Variants in AIG1 observed in about 807,000 individuals in gnomAD.
AIG1 encodes the protein androgen-induced gene 1 protein.
A neutral mutation model predicts 31.4 loss-of-function variants in AIG1; 23 were observed. The ratio of observed to expected loss-of-function variants is 0.73; its 90% CI spans 0.53 to 1.04. The LOEUF (loss-of-function observed/expected upper bound fraction) is 1.04, where lower values mean the gene tolerates loss of function less well. Among genes scored for constraint, AIG1 ranks in the 50% least tolerant of loss-of-function variants. The pLI is 0.00. For missense variants in AIG1, 274 were observed against 295.0 expected (o/e 0.93, Z 0.52); for synonymous variants, 100 against 110.5 (o/e 0.90, Z 0.60).
intron 1 of AIG1, among the ~76,000 whole-genome samples, chr6:143,130,776 T>A (rs577238272): frequency 3.9e-5 from 6 of 152,146 alleles, no homozygotes; most frequent in Non-Finnish European, 7.4e-5. Flanking sequence ...GTTACACAGG[T>A]AAATGTGCAT....
At chr6:143,068,316 G>C (rs538102222) in intron 1 of AIG1, among the ~76,000 whole-genome samples, 34 of 152,362 alleles carry the variant, frequency 2.2e-4, no homozygotes, top group African/African-American at 8.2e-4. Flanking sequence ...TGTGATCCAA[G>C]CGTGCTTGGA....
chr6:143,060,845 A>G, upstream of AIG1: 4 of 916,526 alleles, frequency 4.4e-6, no homozygotes, highest in Non-Finnish European at 5.1e-6. Context: ...CCGGGTTCCC[A>G]CGGCGCCCGC....
intron 4 of AIG1, among the ~76,000 whole-genome samples, chr6:143,307,811 C>T (rs1182638674): frequency 6.6e-6 from 1 of 152,240 alleles, no homozygotes. Context: ...AGAGGTGGAG[C>T]CTACAGAGGC....
At position 143,166,716 on chromosome 6, in the gene AIG1, CAT is replaced by C. The variant is rs200466306; in HGVS notation, c.399+1535_399+1536del. Among the ~76,000 whole-genome samples the C allele has an allele frequency of 9.9e-3, 1,512 of 152,336 alleles. 21 individuals are homozygous for C. Among genetic ancestry groups the C allele is most frequent in the African/African-American group, 0.035 (1,445 of 41,582 alleles). Reference sequence around the variant, plus strand: ...AATTTCCATAATTCTTTGCCAGTTACATAGCTACTATTATTTTTTTTGTGCCA... The same window carrying C: ...AATTTCCATAATTCTTTGCCAGTTACAGCTACTATTATTTTTTTTGTGCCA... On this transcript the variant is annotated intron_variant, in intron 3 of 5. Transcript: ENST00000357847.
At chr6:143,312,534 C>T (rs1775379347) in intron 4 of AIG1, among the ~76,000 whole-genome samples, 1 of 152,112 alleles carries the variant, frequency 6.6e-6, no homozygotes, top group Non-Finnish European at 1.5e-5. Context: ...AGACCCCTAT[C>T]TCTTGCTATA....
chr6:143,314,702 A>G (rs1161931670), intron 4 of AIG1, among the ~76,000 whole-genome samples: 6 of 152,142 alleles, frequency 3.9e-5, no homozygotes, highest in Admixed American at 2.0e-4. Flanking sequence ...CATGCATGGC[A>G]ATACCCAATA....
In AIG1 at chr6:143,280,458, C is replaced by T. The variant is rs1797267313; in HGVS notation, c.400-3652C>T. Among the ~76,000 whole-genome samples the T allele has an allele frequency of 6.6e-6, 1 of 152,108 alleles. No homozygotes were observed. Among genetic ancestry groups the T allele is most frequent in the African/African-American group, 2.4e-5 (1 of 41,416 alleles). ...GCAGCACCACTCACAATAGCGAAAA[C>T]ATGGAATCAACCTAAATGCCTATCA... On this transcript the variant is annotated intron_variant, in intron 3 of 5. Coordinates refer to ENST00000357847, the MANE Select transcript of AIG1 (RefSeq NM_016108.4). This position sits in a 1 kb window ranked among gnomAD's most constrained non-coding sequence, Gnocchi z 4.1.
At chr6:143,094,537 A>G (rs925846728) in intron 1 of AIG1, among the ~76,000 whole-genome samples, 2 of 152,202 alleles carry the variant, frequency 1.3e-5, no homozygotes, top group Non-Finnish European at 2.9e-5. Flanking sequence ...TACCTTCTCA[A>G]TAGAGCTGAG....
chr6:143,140,615 T>C (rs1040817731), intron 2 of AIG1, among the ~76,000 whole-genome samples: 2 of 152,168 alleles, frequency 1.3e-5, no homozygotes, highest in African/African-American at 4.8e-5. Context: ...TTTTACTTTT[T>C]CTGTGCCTCC....
In AIG1 at chr6:143,268,847, C is replaced by T. The variant is rs755168014; in HGVS notation, c.400-15263C>T. On this transcript the variant is annotated intron_variant, in intron 3 of 5. Transcript: ENST00000357847. The surrounding 1 kb of genome is among the most constrained non-coding windows in gnomAD (Gnocchi z 5.0). ...CAGCAGGTGGGAGTGCCGTCAGTTT[C>T]AGCCCTCTGCTCTAAGCCCTCTCCA... Among the ~76,000 whole-genome samples the T allele has an allele frequency of 2.6e-5, 4 of 152,200 alleles. No individual in the cohort carries two copies. The highest frequency in any genetic ancestry group is 2.9e-5 in the Non-Finnish European group (2 of 68,024).
chr6:143,246,344 C>T (rs974425954), intron 3 of AIG1, among the ~76,000 whole-genome samples: 3 of 151,954 alleles, frequency 2.0e-5, no homozygotes, highest in Non-Finnish European at 4.4e-5. Flanking sequence ...TCGTGGAAGG[C>T]AAGGAGGAGC....
intron 4 of AIG1, among the ~76,000 whole-genome samples, chr6:143,308,620 C>T (rs890628802): frequency 6.6e-6 from 1 of 152,174 alleles, no homozygotes; most frequent in Non-Finnish European, 1.5e-5. Flanking sequence ...TCAACTAGTA[C>T]TCAGTCATTC....
At chr6:143,097,893 C>T (rs1779936299) in intron 1 of AIG1, among the ~76,000 whole-genome samples, 1 of 152,168 alleles carries the variant, frequency 6.6e-6, no homozygotes, top group Non-Finnish European at 1.5e-5. Context: ...AGTGTCTGTG[C>T]TTCTAAGGAC....
At chr6:143,223,076 A>G (rs1349319174) in intron 3 of AIG1, among the ~76,000 whole-genome samples, 1 of 152,218 alleles carries the variant, frequency 6.6e-6, no homozygotes, top group Non-Finnish European at 1.5e-5. Context: ...GCCATGAGAA[A>G]CAGCCTTGGT....
rs143414427 is a variant in AIG1 at position 143,078,366 on chromosome 6, A to G, written c.141+17300A>G. Among the ~76,000 whole-genome samples, 427 of 152,328 alleles carry G rather than the reference A, an allele frequency of 2.8e-3. 5 individuals are homozygous for G. Among genetic ancestry groups the G allele is most frequent in the African/African-American group, 9.9e-3 (410 of 41,574 alleles). On this transcript the variant is annotated intron_variant, in intron 1 of 5. Coordinates refer to ENST00000357847, the MANE Select transcript of AIG1 (RefSeq NM_016108.4). ...CCATTGGTGTCCTTTTGGGGTTGAC[A>G]TCTGTTGATTGTGGGTTTCCCTTAA... is the stretch of plus-strand genomic sequence containing the variant.
intron 1 of AIG1, among the ~76,000 whole-genome samples, chr6:143,065,109 A>C (rs1255458938): frequency 6.6e-6 from 1 of 152,220 alleles, no homozygotes; most frequent in East Asian, 1.9e-4. Context: ...ACAAGTCACA[A>C]CGGTGGAATG....
At chr6:143,127,126 T>C (rs1023427088) in intron 1 of AIG1, among the ~76,000 whole-genome samples, 1 of 152,254 alleles carries the variant, frequency 6.6e-6, no homozygotes, top group Non-Finnish European at 1.5e-5. Context: ...TAATACTTTA[T>C]GTTCTCTAGT....
intron 3 of AIG1, among the ~76,000 whole-genome samples, chr6:143,187,045 A>G (rs1369420064): frequency 1.3e-5 from 2 of 152,238 alleles, no homozygotes; most frequent in African/African-American, 4.8e-5. Context: ...ATTACCATAT[A>G]ATAACTAGCA....
chr6:143,106,352 C>T (rs983303468), intron 1 of AIG1, among the ~76,000 whole-genome samples: 3 of 152,154 alleles, frequency 2.0e-5, no homozygotes, highest in African/African-American at 4.8e-5. Context: ...GACTTCTGGC[C>T]CCCAAAACTG....
Sources: gnomAD v4.1 joint callset for allele counts (sites outside exome capture counted in the v4.1 genomes callset) on GRCh38, gnomAD v4.1.1 for gene constraint, Gnocchi (gnomAD v3.1) non-coding constraint, MANE v1.5 for transcripts, NCBI Gene and HGNC (gene_info 2026-07-23, HGNC 2026-07-21) for gene names.